ATP2B2: variants seen among roughly 807,000 people sequenced by gnomAD.
The protein encoded by ATP2B2 is plasma membrane calcium-transporting ATPase 2.
ATP2B2 carries 15 observed loss-of-function variants against 120.0 expected under a neutral mutation model. The ratio of observed to expected loss-of-function variants is 0.12; its 90% confidence interval spans 0.08 to 0.19. ATP2B2 has a LOEUF of 0.19. Among genes scored for constraint, ATP2B2 ranks in the 10% least tolerant of loss-of-function variants. The pLI, the probability that ATP2B2 is intolerant of heterozygous loss-of-function variation, is 1.00. For synonymous variants in ATP2B2, 694 were observed against 700.3 expected (o/e 0.99, Z 0.14); for missense variants, 1,045 against 1,719.8 (o/e 0.61, Z 6.94).
intron 1 of ATP2B2, among the ~76,000 whole-genome samples, chr3:10,477,965 C>T (rs969256517): frequency 2.6e-5 from 4 of 152,186 alleles, no homozygotes; most frequent in Admixed American, 6.5e-5. Context: ...CCACTATATG[C>T]TTTTCCACAG....
chr3:10,611,150 T>G (rs1575555898), intron 2 of ATP2B2, among the ~76,000 whole-genome samples: 2 of 152,204 alleles, frequency 1.3e-5, no homozygotes, highest in South Asian at 4.1e-4. Flanking sequence ...GAACGGGTGG[T>G]TCCCACCACT....
At chr3:10,458,128 G>C (rs1179891720) in intron 1 of ATP2B2, among the ~76,000 whole-genome samples, 1 of 151,344 alleles carries the variant, frequency 6.6e-6, no homozygotes, top group Admixed American at 6.6e-5. Context: ...ACCATTAGCT[G>C]TCTGTCCATC....
chr3:10,590,800 G>T (rs1254045224), intron 2 of ATP2B2, among the ~76,000 whole-genome samples: 2 of 152,190 alleles, frequency 1.3e-5, no homozygotes, highest in Non-Finnish European at 2.9e-5. Context: ...GTGCACCCGT[G>T]CATGTGCCTT....
intron 2 of ATP2B2, among the ~76,000 whole-genome samples, chr3:10,538,336 C>T (rs7618367): frequency 1.3e-5 from 2 of 151,984 alleles, no homozygotes; most frequent in African/African-American, 4.8e-5. Flanking sequence ...AAAATATTCC[C>T]ATCAATAGAA....
chr3:10,375,818 C>T lies in ATP2B2; in HGVS notation c.1202-174G>A, dbSNP rs140794687. Among the ~76,000 whole-genome samples the T allele has an allele frequency of 1.2e-3, 177 of 152,278 alleles. 6 individuals carry two copies. In the South Asian group the frequency reaches 0.027, roughly 24 times the overall value. On this transcript the variant is annotated intron_variant, in intron 10 of 22. Coordinates refer to ENST00000360273, the MANE Select transcript of ATP2B2 (RefSeq NM_001001331.4). The surrounding 1 kb of genome is among the most constrained non-coding windows in gnomAD (Gnocchi z 4.2). ...AAGTTCTTGAGACCTTGATCCTCACCGAGCCTCAGTCTCCTGCTCTGTACA... is the reference window on the plus strand; with the variant it reads ...AAGTTCTTGAGACCTTGATCCTCACTGAGCCTCAGTCTCCTGCTCTGTACA...
In ATP2B2 at chr3:10,473,800, A is replaced by G. The variant is rs79588926; in HGVS notation, c.-319-23938T>C. ...GGCAAGACATGCTTTTAGTAACTCA[A>G]AGAAGGCCACGTGGCTGGGGCTTGT... On this transcript the variant is annotated intron_variant, in intron 1 of 22. Transcript: ENST00000360273. Among the ~76,000 whole-genome samples the G allele has an allele frequency of 1.4e-3, 208 of 152,314 alleles. 2 individuals carry two copies. The South Asian group carries it at 0.027, about 20-fold the overall frequency.
chr3:10,621,807 C>T (rs2069558230), intron 1 of ATP2B2, among the ~76,000 whole-genome samples: 1 of 152,206 alleles, frequency 6.6e-6, no homozygotes, highest in South Asian at 2.1e-4. Context: ...AGTTGAGTCC[C>T]AGAGAAGTTA....
At chr3:10,585,942 G>GCTAT (rs2068501027) in intron 2 of ATP2B2, among the ~76,000 whole-genome samples, 1 of 152,114 alleles carries the variant, frequency 6.6e-6, no homozygotes, top group African/African-American at 2.4e-5. Flanking sequence ...TTAACCATGG[G>GCTAT]CTATCTCCTA....
intron 3 of ATP2B2, among the ~76,000 whole-genome samples, chr3:10,408,564 T>C (rs2062497530): frequency 6.6e-6 from 1 of 152,122 alleles, no homozygotes; most frequent in South Asian, 2.1e-4. Flanking sequence ...CCTGAGCTAG[T>C]GCCCCAGCCA....
chr3:10,662,048 T>C (rs562251501), intron 1 of ATP2B2, among the ~76,000 whole-genome samples: 1 of 152,346 alleles, frequency 6.6e-6, no homozygotes, highest in East Asian at 1.9e-4. Context: ...GCTAGCCATA[T>C]GTAGAAAGCT....
intron 2 of ATP2B2, among the ~76,000 whole-genome samples, chr3:10,610,194 AT>A (rs1464915775): frequency 2.2e-4 from 33 of 150,168 alleles, no homozygotes; most frequent in Non-Finnish European, 3.9e-4. Flanking sequence ...TGTGTGTAAA[AT>A]TTTTTTTTAT....
chr3:10,433,692 T>G (rs895858311), intron 2 of ATP2B2, among the ~76,000 whole-genome samples: 2 of 152,150 alleles, frequency 1.3e-5, no homozygotes, highest in Non-Finnish European at 2.9e-5. Context: ...TTGAAAATAC[T>G]GAAGAGCAGA....
chr3:10,483,702 G>C (rs1208266942), intron 1 of ATP2B2, among the ~76,000 whole-genome samples: 1 of 152,206 alleles, frequency 6.6e-6, no homozygotes, highest in Non-Finnish European at 1.5e-5. Flanking sequence ...GCCACGGGAG[G>C]TTTTAATAAT....
chr3:10,674,594 A>G (rs1327335536), intron 1 of ATP2B2, among the ~76,000 whole-genome samples: 2 of 152,120 alleles, frequency 1.3e-5, no homozygotes, highest in South Asian at 2.1e-4. Context: ...TATTTTGCAA[A>G]TTTTTATTTT....
chr3:10,377,433 A>G (rs757984400), intron 10 of ATP2B2, among the ~76,000 whole-genome samples: 43 of 152,192 alleles, frequency 2.8e-4, no homozygotes, highest in Non-Finnish European at 5.9e-5. Context: ...TGTGGTGTCT[A>G]TAATTAGAGC....
intron 5 of ATP2B2, among the ~76,000 whole-genome samples, chr3:10,397,075 GT>G (rs1352195209): frequency 6.6e-6 from 1 of 152,230 alleles, no homozygotes; most frequent in Non-Finnish European, 1.5e-5. Context: ...GTGAAGCCAT[GT>G]GCCTGAGGCC....
At chr3:10,596,937 G>A (rs1040055975) in intron 2 of ATP2B2, among the ~76,000 whole-genome samples, 4 of 152,204 alleles carry the variant, frequency 2.6e-5, no homozygotes, top group East Asian at 1.9e-4. Flanking sequence ...ACCAGGGCAC[G>A]TGGCACACCA....
chr3:10,461,736 C>T (rs1362574647), intron 1 of ATP2B2, among the ~76,000 whole-genome samples: 5 of 152,182 alleles, frequency 3.3e-5, no homozygotes, highest in East Asian at 1.9e-4. Context: ...CTTCCTTCCT[C>T]TTGTAGCCCA....
At chr3:10,400,100 G>A (rs1376223481) in intron 5 of ATP2B2, among the ~76,000 whole-genome samples, 5 of 152,216 alleles carry the variant, frequency 3.3e-5, no homozygotes, top group Admixed American at 6.5e-5. Context: ...CCTTTTGGGC[G>A]TCCCTGTGAA....
Sources: allele counts gnomAD v4.1 joint callset (sites outside exome capture counted in the v4.1 genomes callset), GRCh38; gene constraint gnomAD v4.1.1; non-coding constraint Gnocchi (gnomAD v3.1); transcripts MANE v1.5; gene names NCBI Gene and HGNC (gene_info 2026-07-23, HGNC 2026-07-21).